The following RBFOX1 variants were observed in gnomAD, a reference collection of about 807,000 sequenced individuals.
RBFOX1 encodes RNA binding fox-1 homolog 1.
A neutral mutation model predicts 57.7 loss-of-function variants in RBFOX1; 8 were observed. The observed-to-expected ratio is 0.14, with a 90% confidence interval of 0.08 to 0.25. The LOEUF (loss-of-function observed/expected upper bound fraction) is 0.25. Among genes scored for constraint, RBFOX1 ranks in the 10% least tolerant of loss-of-function variants. The probability of loss-of-function intolerance (pLI) is 1.00; values close to 1 mark genes in which losing one functional copy is unlikely to be tolerated. For synonymous variants in RBFOX1, 326 were observed against 222.4 expected, an observed-to-expected ratio of 1.47 and a Z score of -4.15; for missense variants, 611 against 548.5, an observed-to-expected ratio of 1.11 and a Z score of -1.14.
chr16:6,210,143 C>T (rs1249954546), intron 1 of RBFOX1, among the ~76,000 whole-genome samples: 1 of 151,288 alleles, frequency 6.6e-6, no homozygotes, highest in African/African-American at 2.4e-5. Flanking sequence ...CATGGTGAAA[C>T]CCCATCTCTA....
intron 2 of RBFOX1, among the ~76,000 whole-genome samples, chr16:6,622,349 C>G (rs907692963): frequency 2.0e-5 from 3 of 152,136 alleles, no homozygotes; most frequent in African/African-American, 7.2e-5. Context: ...TTTATCGTAC[C>G]TTTTCTATGT....
chr16:5,725,139 C>T (rs760112468), intron 3 of RBFOX1, among the ~76,000 whole-genome samples: 2 of 152,198 alleles, frequency 1.3e-5, no homozygotes, highest in African/African-American at 2.4e-5. Context: ...TCCAAGAGGC[C>T]TGATACCTGT....
At chr16:6,972,082 AT>A (rs889865157) in intron 3 of RBFOX1, among the ~76,000 whole-genome samples, 6 of 152,244 alleles carry the variant, frequency 3.9e-5, no homozygotes, top group East Asian at 1.9e-4. Flanking sequence ...ATATTACAGC[AT>A]TTTTTTCCCA....
At chr16:6,933,682 T>C (rs2076922475) in intron 3 of RBFOX1, among the ~76,000 whole-genome samples, 1 of 152,192 alleles carries the variant, frequency 6.6e-6, no homozygotes, top group East Asian at 1.9e-4. Flanking sequence ...GACTGCACAC[T>C]CCAGCCTGGG....
At chr16:5,581,980 T>C (rs1225418033) in intron 2 of RBFOX1, among the ~76,000 whole-genome samples, 1 of 152,222 alleles carries the variant, frequency 6.6e-6, no homozygotes, top group Non-Finnish European at 1.5e-5. Flanking sequence ...TTATGCACAA[T>C]GCAGGATTAC....
chr16:5,525,611 C>T (rs1471032098), intron 2 of RBFOX1, among the ~76,000 whole-genome samples: 3 of 150,244 alleles, frequency 2.0e-5, no homozygotes, highest in African/African-American at 7.4e-5. Context: ...AATTCTCCTG[C>T]CTCAGCCTAC....
chr16:7,169,584 C>A (rs2080267850), intron 4 of RBFOX1, among the ~76,000 whole-genome samples: 1 of 152,212 alleles, frequency 6.6e-6, no homozygotes, highest in Non-Finnish European at 1.5e-5. Context: ...ATCTTCAACA[C>A]ATTCCTACCA....
At chr16:6,959,208 G>A (rs1321970957) in intron 3 of RBFOX1, among the ~76,000 whole-genome samples, 1 of 152,100 alleles carries the variant, frequency 6.6e-6, no homozygotes, top group Non-Finnish European at 1.5e-5. Flanking sequence ...ATTTCAGATT[G>A]TACTTAAAAA....
chr16:7,113,913 T>C (rs1156685083), intron 4 of RBFOX1, among the ~76,000 whole-genome samples: 1 of 152,192 alleles, frequency 6.6e-6, no homozygotes, highest in East Asian at 1.9e-4. Context: ...GTGATTTCTT[T>C]TTATAGGATA....
chr16:7,678,310 A>G (rs1197118022), intron 14 of RBFOX1, among the ~76,000 whole-genome samples: 1 of 152,190 alleles, frequency 6.6e-6, no homozygotes, highest in Non-Finnish European at 1.5e-5. Context: ...ACACTGGATT[A>G]GGAAAGTAGA....
chr16:6,837,381 T>G (rs752754800), intron 3 of RBFOX1, among the ~76,000 whole-genome samples: 1 of 152,204 alleles, frequency 6.6e-6, no homozygotes, highest in South Asian at 2.1e-4. Flanking sequence ...TTCTCCGCAA[T>G]GGTAGTGACT....
intron 3 of RBFOX1, among the ~76,000 whole-genome samples, chr16:6,872,273 C>T (rs984759255): frequency 1.3e-5 from 2 of 152,108 alleles, no homozygotes; most frequent in African/African-American, 4.8e-5. Flanking sequence ...CACATCTATC[C>T]AGTTGGATAA....
At chr16:6,906,876 C>T (rs1339622106) in intron 3 of RBFOX1, among the ~76,000 whole-genome samples, 1 of 151,984 alleles carries the variant, frequency 6.6e-6, no homozygotes, top group Non-Finnish European at 1.5e-5. Context: ...GCACCTGCCA[C>T]CCCACCTGGT....
intron 2 of RBFOX1, among the ~76,000 whole-genome samples, chr16:6,366,033 G>C (rs941879538): frequency 1.5e-4 from 23 of 149,648 alleles, no homozygotes; most frequent in African/African-American, 5.7e-4. Flanking sequence ...TAACTTCTTT[G>C]GCTCCTTGCC....
chr16:6,445,242 A>G (rs1028787633), intron 2 of RBFOX1, among the ~76,000 whole-genome samples: 1 of 152,036 alleles, frequency 6.6e-6, no homozygotes, highest in East Asian at 1.9e-4. Flanking sequence ...TTTTATATAT[A>G]TAATTTTTTA....
intron 1 of RBFOX1, among the ~76,000 whole-genome samples, chr16:5,359,087 A>C (rs536973053): frequency 1.3e-5 from 2 of 152,300 alleles, no homozygotes; most frequent in African/African-American, 4.8e-5. Flanking sequence ...TGCCTGGCTT[A>C]TTTCACTTAG....
intron 3 of RBFOX1, among the ~76,000 whole-genome samples, chr16:6,780,101 T>TA (rs1567212855): frequency 0.019 from 495 of 26,706 alleles, 159 homozygotes; most frequent in African/African-American, 0.11. Context: ...TTATATATTT[T>TA]TATATATTTA....
At chr16:6,398,895 C>T (rs992623286) in intron 2 of RBFOX1, among the ~76,000 whole-genome samples, 2 of 152,228 alleles carry the variant, frequency 1.3e-5, no homozygotes, top group Non-Finnish European at 2.9e-5. Flanking sequence ...TGTCTGGGGG[C>T]TCCAGCCCCA....
chr16:6,268,404 GA>G (rs2074798736), intron 1 of RBFOX1, among the ~76,000 whole-genome samples: 1 of 152,134 alleles, frequency 6.6e-6, no homozygotes, highest in South Asian at 2.1e-4. Flanking sequence ...CACAGCTTGT[GA>G]TTATTCTTTT....
Sources: allele counts gnomAD v4.1 joint callset (sites outside exome capture counted in the v4.1 genomes callset), GRCh38; gene constraint gnomAD v4.1.1; transcripts MANE v1.5; gene names NCBI Gene and HGNC (gene_info 2026-07-23, HGNC 2026-07-21).